Variants in SLC26A7 observed in about 807,000 individuals in gnomAD.
SLC26A7 encodes the protein solute carrier family 26 member 7.
Under a neutral mutation model 82.5 loss-of-function variants are expected in SLC26A7, and 59 were observed. That is an observed-to-expected ratio of 0.72 (90% confidence interval 0.58 to 0.89). The LOEUF is 0.89. Ranked by LOEUF, SLC26A7 falls within the 40% of genes least tolerant of loss-of-function variation. SLC26A7 has a pLI of 0.00. For missense variants in SLC26A7, 820 were observed against 793.0 expected (o/e 1.03, Z -0.41); for synonymous variants, 271 against 274.3 (o/e 0.99, Z 0.12).
rs1038503458 is a variant in SLC26A7, at chr8:91,249,773, A to G, written c.122A>G (p.Tyr41Cys). Residue 41 changes from tyrosine to cysteine, a missense_variant, in exon 2 of 19, where the codon TAC (tyrosine) becomes TGC (cysteine). Tyr to Cys is a radical substitution (Grantham distance 194). Coordinates refer to ENST00000276609, the MANE Select transcript of SLC26A7 (RefSeq NM_052832.4). ...RLPILDWAPHYNLKENLLPDT... is the reference protein window; with the variant it reads ...RLPILDWAPHCNLKENLLPDT... ...CCCATTTTGGATTGGGCACCACATT[A>G]CAATCTGAAAGAAAACTTGCTTCCA... 6 of 1,612,668 alleles carry G rather than the reference A, an allele frequency of 3.7e-6. No individual in the cohort carries two copies. The highest frequency in any genetic ancestry group is 5.1e-6 in the Non-Finnish European group (6 of 1,179,248).
At chr8:91,237,159 A>C (rs1300742455) in intron 2 of SLC26A7, among the ~76,000 whole-genome samples, 1 of 152,178 alleles carries the variant, frequency 6.6e-6, no homozygotes, top group Non-Finnish European at 1.5e-5. Context: ...AATCCAATTC[A>C]CTACACCAAA....
At chr8:91,217,595 C>T (rs905690852) in intron 1 of SLC26A7, among the ~76,000 whole-genome samples, 44 of 152,128 alleles carry the variant, frequency 2.9e-4, no homozygotes, top group African/African-American at 9.2e-4. Context: ...TTGCCTGGGC[C>T]GCAGTTACAT....
At chr8:91,355,064 T>A (rs1586445747) in intron 11 of SLC26A7, among the ~76,000 whole-genome samples, 1 of 152,194 alleles carries the variant, frequency 6.6e-6, no homozygotes, top group South Asian at 2.1e-4. Flanking sequence ...AGTTTTTGAC[T>A]GAGTGTAAAA....
chr8:91,300,421 G>A (rs1226294852), intron 4 of SLC26A7, among the ~76,000 whole-genome samples: 2 of 148,760 alleles, frequency 1.3e-5, no homozygotes, highest in Admixed American at 6.7e-5. Context: ...TTTTTGAGAC[G>A]GAGTCTTGCT....
chr8:91,295,442 A>T (rs545064025), intron 3 of SLC26A7, 89 bp from the exon 4 acceptor site: 1 of 1,453,050 alleles, frequency 6.9e-7, no homozygotes, highest in Non-Finnish European at 9.4e-7. Flanking sequence ...GTTTGGTTTC[A>T]CAATGTAGCT....
At chr8:91,366,106 C>T (rs1814185241) in intron 13 of SLC26A7, among the ~76,000 whole-genome samples, 1 of 152,126 alleles carries the variant, frequency 6.6e-6, no homozygotes, top group African/African-American at 2.4e-5. Flanking sequence ...CAAATTAGGA[C>T]TGTTAATCAC....
At chr8:91,262,350 A>T (rs1810991899) in intron 2 of SLC26A7, among the ~76,000 whole-genome samples, 1 of 152,038 alleles carries the variant, frequency 6.6e-6, no homozygotes, top group Non-Finnish European at 1.5e-5. Flanking sequence ...CAGGATTAGA[A>T]CCTGGGGCCA....
chr8:91,350,425 G>C (rs940891412), intron 9 of SLC26A7, among the ~76,000 whole-genome samples: 21 of 142,318 alleles, frequency 1.5e-4, no homozygotes, highest in African/African-American at 4.4e-4. Context: ...TAAGGTATAC[G>C]GTTCACTTTT....
At chr8:91,316,195 A>G (rs1453832644) in intron 4 of SLC26A7, among the ~76,000 whole-genome samples, 3 of 152,164 alleles carry the variant, frequency 2.0e-5, no homozygotes, top group Non-Finnish European at 4.4e-5. Flanking sequence ...CATTTTCATC[A>G]CTGTGCCCTC....
At chr8:91,366,745 C>A in intron 14 of SLC26A7, 28 bp downstream of exon 14, 1 of 1,599,562 alleles carries the variant, frequency 6.3e-7, no homozygotes, top group South Asian at 1.1e-5. Context: ...ATTAGAATGT[C>A]ATACTACATG....
intron 16 of SLC26A7, among the ~76,000 whole-genome samples, chr8:91,390,863 G>A (rs1814947074): frequency 6.6e-6 from 1 of 152,096 alleles, no homozygotes; most frequent in African/African-American, 2.4e-5. Flanking sequence ...CCTTTCTCAG[G>A]AAACTCAGCC....
chr8:91,238,320 A>T (rs1810418992), intron 2 of SLC26A7, among the ~76,000 whole-genome samples: 1 of 152,036 alleles, frequency 6.6e-6, no homozygotes. Flanking sequence ...ATTATGAATA[A>T]GTTGATGAGC....
At chr8:91,282,315 A>G (rs958776502) in intron 2 of SLC26A7, among the ~76,000 whole-genome samples, 8 of 152,130 alleles carry the variant, frequency 5.3e-5, no homozygotes, top group East Asian at 1.9e-4. Flanking sequence ...TGACTACGGA[A>G]TTTCTACGTG....
intron 2 of SLC26A7, among the ~76,000 whole-genome samples, chr8:91,272,278 A>G (rs1811293263): frequency 6.6e-6 from 1 of 152,168 alleles, no homozygotes; most frequent in Admixed American, 6.5e-5. Context: ...CCTGGGCTTC[A>G]TGGAAGAGAC....
intron 5 of SLC26A7, among the ~76,000 whole-genome samples, chr8:91,328,230 G>A (rs1394065610): frequency 2.7e-5 from 4 of 150,544 alleles, no homozygotes; most frequent in South Asian, 4.2e-4. Flanking sequence ...AGAAATTCAC[G>A]GCAGTTGTGC....
At chr8:91,294,863 A>G (rs991380728) in intron 3 of SLC26A7, among the ~76,000 whole-genome samples, 1 of 152,206 alleles carries the variant, frequency 6.6e-6, no homozygotes, top group African/African-American at 2.4e-5. Flanking sequence ...TAATTATTTT[A>G]TGGGCCACAA....
upstream of SLC26A7, among the ~76,000 whole-genome samples, chr8:91,249,088 G>T (rs1474142505): frequency 6.6e-6 from 1 of 152,100 alleles, no homozygotes; most frequent in Admixed American, 6.6e-5. Flanking sequence ...AGCTCTCAAA[G>T]AAATAGGGCT....
At chr8:91,338,295 G>C in intron 7 of SLC26A7, 63 bp downstream of exon 7, 1 of 1,178,506 alleles carries the variant, frequency 8.5e-7, no homozygotes, top group South Asian at 1.5e-5. Context: ...TGGAGAAAGG[G>C]ACAGGGAGTG....
intron 2 of SLC26A7, among the ~76,000 whole-genome samples, chr8:91,269,603 T>C (rs922149766): frequency 1.2e-4 from 18 of 152,166 alleles, no homozygotes; most frequent in African/African-American, 4.3e-4. Context: ...TTGGGAATTT[T>C]CTCTTTGGAT....
Sources: allele counts gnomAD v4.1 joint callset (sites outside exome capture counted in the v4.1 genomes callset), GRCh38; gene constraint gnomAD v4.1.1; transcripts MANE v1.5; gene names NCBI Gene and HGNC (gene_info 2026-07-23, HGNC 2026-07-21).